SPTA1: variants seen among roughly 807,000 people sequenced by gnomAD.
The protein encoded by SPTA1 is spectrin alpha, erythrocytic 1.
In SPTA1, 177 loss-of-function variants were observed where a neutral mutation model predicts 324.7. The observed-to-expected ratio is 0.55, with a 90% CI of 0.48 to 0.62. The LOEUF (loss-of-function observed/expected upper bound fraction) is 0.62. Among genes scored for constraint, SPTA1 ranks in the 20% least tolerant of loss-of-function variants. SPTA1 has a pLI of 0.00. For synonymous variants in SPTA1, 1,195 were observed against 1,041.3 expected (o/e 1.15, Z -2.84); for missense variants, 3,162 against 2,883.6 (o/e 1.10, Z -2.21).
intron 22 of SPTA1, 149 bp downstream of exon 22, chr1:158,653,125 A>G: frequency 1.6e-5 from 21 of 1,306,272 alleles, no homozygotes; most frequent in Non-Finnish European, 2.1e-5. Flanking sequence ...CGAAACATTT[A>G]AAAGATTCTA....
Position 158,678,515 on chromosome 1 carries a change from G to T in SPTA1, c.698C>A (p.Pro233His), listed in dbSNP as rs780355431. The T allele has an allele frequency of 1.2e-6, 2 of 1,613,464 alleles. No individual in the cohort carries two copies. Among genetic ancestry groups the T allele is most frequent in the South Asian group, 1.1e-5 (1 of 91,074 alleles). Residue 233 changes from proline (P) to histidine (H), a missense_variant, in exon 6 of 52, where the codon CCC (proline) becomes CAC (histidine). Coordinates refer to ENST00000643759, the MANE Select transcript of SPTA1 (RefSeq NM_003126.4). ...ECAEENHPDL[P>H]LIQSKQNEVN... ...CTCATTTTGCTTAGACTGAATTAAG[G>T]GTAGGTCAGGATGGTTTTCCTGTTG...
chr1:158,641,253 G>A (rs1172254291), intron 33 of SPTA1, among the ~76,000 whole-genome samples: 16 of 152,034 alleles, frequency 1.1e-4, no homozygotes, highest in African/African-American at 3.9e-4. Flanking sequence ...GCATGGGCAA[G>A]GACTTCATGT....
chr1:158,672,413 A>G (rs2101917889), intron 10 of SPTA1, among the ~76,000 whole-genome samples: 1 of 152,318 alleles, frequency 6.6e-6, no homozygotes, highest in Middle Eastern at 3.4e-3. Context: ...GGAAATGAAA[A>G]AGACTAATTC....
Position 158,639,429 on chromosome 1 carries a change from C to T in SPTA1, c.4980+153G>A, listed in dbSNP as rs528064820. On this transcript the variant is annotated intron_variant, in intron 35 of 51. Coordinates refer to ENST00000643759, the MANE Select transcript of SPTA1 (RefSeq NM_003126.4). ...TGACAGTTTTAATGTCTTCACAGCC[C>T]GTTAATTTTACCTAATTAAAATGAC... 2.2e-4 allele frequency: 164 copies of T among 746,152 alleles called. 1 individual carries two copies. Among genetic ancestry groups the T allele is most frequent in the Middle Eastern group, 1.8e-3 (5 of 2,794 alleles). 46.2% of individuals were successfully genotyped at this position (746,152 alleles called of 1,614,324 possible).
Position 158,676,201 on chromosome 1 carries a change from C to G in SPTA1, c.1052G>C (p.Ser351Thr), listed in dbSNP as rs929975694. ...IQEMKEDLVSSWEHIRALATS... is the reference protein window; with the variant it reads ...IQEMKEDLVSTWEHIRALATS... Reference sequence around the variant, plus strand: ...GGCCAGGGCACGAATATGCTCCCAGCTGGAGACCAGATCTTCTTTCATCTC... The same window carrying G: ...GGCCAGGGCACGAATATGCTCCCAGGTGGAGACCAGATCTTCTTTCATCTC... The change falls in exon 8 of 52, where the codon AGC becomes ACC. Residue 351 changes from serine (S) to threonine (T), a missense_variant. By Grantham distance (58) the Ser-to-Thr change is moderately conservative. Transcript: ENST00000643759. 1 of 1,613,646 alleles carries G rather than the reference C, an allele frequency of 6.2e-7. No homozygotes were observed. The highest frequency in any genetic ancestry group is 1.7e-5 in the Admixed American group (1 of 59,974).
At chr1:158,670,116 G>GTCCA (rs1653906450) in intron 12 of SPTA1, among the ~76,000 whole-genome samples, 2 of 152,290 alleles carry the variant, frequency 1.3e-5, no homozygotes, top group Admixed American at 1.3e-4. Flanking sequence ...TGGCCAGTCT[G>GTCCA]TCCATCCATC....
Position 158,684,092 on chromosome 1 carries a change from GAAGA to G in SPTA1, c.265-600_265-597del, listed in dbSNP as rs1335036666. Reference sequence around the variant, plus strand: ...TAAGAGCCATGAATAGCAATTTAGGGAAGAAAAAAAAAAAACTCTGGTTAACTCA... The same window carrying G: ...TAAGAGCCATGAATAGCAATTTAGGGAAAAAAAAAAACTCTGGTTAACTCA... On this transcript the variant is annotated intron_variant, in intron 2 of 51. Transcript: ENST00000643759. Among the ~76,000 whole-genome samples the G allele has an allele frequency of 0.015, 132 of 8,650 alleles. 1 individual carries two copies. The Middle Eastern group carries it at 0.39, about 25-fold the overall frequency. The allele number at this position is 8,650 out of a possible 152,430, so 5.7% of individuals were successfully genotyped here.
At chr1:158,618,718 A>G (rs527564953) in intron 45 of SPTA1, among the ~76,000 whole-genome samples, 2 of 152,278 alleles carry the variant, frequency 1.3e-5, no homozygotes, top group East Asian at 3.9e-4. Context: ...GCTTCATATG[A>G]GGTATTCATA....
chr1:158,657,711 G>A lies in SPTA1; in HGVS notation c.2588-17C>T. 2 of 1,612,356 alleles carry A rather than the reference G, an allele frequency of 1.2e-6. No individual in the cohort carries two copies. Among genetic ancestry groups the A allele is most frequent in the East Asian group, 4.5e-5 (2 of 44,868 alleles). ...CAAAGTGTCCTATGGAGTAATTATA[G>A]AAAAGGTGAGTATGATCCTCATGAG... is the stretch of plus-strand genomic sequence containing the variant. On this transcript the variant is annotated splice_polypyrimidine_tract_variant and intron_variant, in intron 18 of 51. Coordinates refer to ENST00000643759, the MANE Select transcript of SPTA1 (RefSeq NM_003126.4).
chr1:158,628,681 A>G (rs1468914909), intron 39 of SPTA1, among the ~76,000 whole-genome samples: 2 of 152,194 alleles, frequency 1.3e-5, no homozygotes, highest in African/African-American at 2.4e-5. Context: ...ACTGCATGAA[A>G]TAAAGTATCT....
Position 158,626,233 on chromosome 1 carries a change from A to G in SPTA1, c.5834-11T>C. ...TTGTTTCCTTATCAGCTAAAAGGCA[A>G]AAACAATTAAGAAGAGAAAGACATT... On this transcript the variant is annotated splice_polypyrimidine_tract_variant and intron_variant, in intron 41 of 51. Transcript: ENST00000643759. The G allele has an allele frequency of 6.2e-7, 1 of 1,613,002 alleles. No homozygotes were observed. Among genetic ancestry groups the G allele is most frequent in the Non-Finnish European group, 8.5e-7 (1 of 1,179,160 alleles).
chr1:158,636,553 G>T, intron 37 of SPTA1, 88 bp downstream of exon 37: 3 of 1,489,728 alleles, frequency 2.0e-6, no homozygotes, highest in Non-Finnish European at 1.9e-6. Flanking sequence ...CTATTTTCAC[G>T]TTTTGTAGCA....
intron 27 of SPTA1, among the ~76,000 whole-genome samples, chr1:158,646,767 T>C (rs534030449): frequency 6.6e-6 from 1 of 152,234 alleles, no homozygotes; most frequent in South Asian, 2.1e-4. Context: ...TTGCCAAAAT[T>C]TGCCTCCTTT....
chr1:158,639,753 A>T, intron 34 of SPTA1, 67 bp from the exon 35 acceptor site: 3 of 1,611,768 alleles, frequency 1.9e-6, no homozygotes. Flanking sequence ...TAAGATCAGC[A>T]GCTATGTCCC....
chr1:158,672,854 T>C (rs1415062236), intron 10 of SPTA1, among the ~76,000 whole-genome samples: 1 of 151,760 alleles, frequency 6.6e-6, no homozygotes, highest in Non-Finnish European at 1.5e-5. Context: ...GCCAGCACTT[T>C]GGGAGGCCAA....
chr1:158,615,552 A>G, intron 47 of SPTA1, 149 bp from the exon 48 acceptor site: 1 of 712,394 alleles, frequency 1.4e-6, no homozygotes, highest in Non-Finnish European at 2.3e-6. Flanking sequence ...AAACCACTTC[A>G]CTTCTATAGT....
intron 42 of SPTA1, among the ~76,000 whole-genome samples, chr1:158,624,119 G>GTC (rs879635005): frequency 0.6 from 91,223 of 151,882 alleles, 27,618 homozygotes; most frequent in Middle Eastern, 0.69. Flanking sequence ...CCTACATACT[G>GTC]CAGGGGTAGA....
intron 35 of SPTA1, among the ~76,000 whole-genome samples, chr1:158,638,461 C>G (rs954556130): frequency 2.0e-5 from 3 of 152,142 alleles, no homozygotes; most frequent in African/African-American, 7.2e-5. Flanking sequence ...TCAAACTGTA[C>G]ATTTAGCCTG....
intron 17 of SPTA1, among the ~76,000 whole-genome samples, chr1:158,662,254 C>T (rs79132308): frequency 0.012 from 1,853 of 152,192 alleles, 34 homozygotes; most frequent in African/African-American, 0.042. Context: ...GTACTGGCTT[C>T]GACACTGGTG....
Sources: gnomAD v4.1 joint callset for allele counts (sites outside exome capture counted in the v4.1 genomes callset) on GRCh38, gnomAD v4.1.1 for gene constraint, MANE v1.5 for transcripts, NCBI Gene and HGNC (gene_info 2026-07-23, HGNC 2026-07-21) for gene names.